CTIF: variants seen among roughly 807,000 people sequenced by gnomAD.
The protein encoded by CTIF is CBP80/20-dependent translation initiation factor.
Under a neutral mutation model 66.0 loss-of-function variants are expected in CTIF, and 21 were observed. That is an observed-to-expected ratio of 0.32 (90% confidence interval 0.23 to 0.46). CTIF has a LOEUF of 0.46. CTIF is among the 20% of genes least tolerant of loss of function. The pLI, the probability that CTIF is intolerant of heterozygous loss-of-function variation, is 1.00. For synonymous variants in CTIF, 345 were observed against 326.4 expected, an observed-to-expected ratio of 1.06 and a Z score of -0.62; for missense variants, 739 against 812.7, an observed-to-expected ratio of 0.91 and a Z score of 1.10.
chr18:48,735,096 CGT>C (rs34150644), intron 7 of CTIF, among the ~76,000 whole-genome samples: 24,902 of 149,418 alleles, frequency 0.17, 3,542 homozygotes, highest in African/African-American at 0.39. Context: ...AGTTTGTGTG[CGT>C]GTGTGTGTGT....
chr18:48,595,336 A>T (rs1472803382), intron 1 of CTIF, among the ~76,000 whole-genome samples: 1 of 152,190 alleles, frequency 6.6e-6, no homozygotes, highest in Non-Finnish European at 1.5e-5. Context: ...TAGGATTAGG[A>T]TTGTTGGTTG....
At chr18:48,759,822 A>G (rs1168071096) in intron 8 of CTIF, among the ~76,000 whole-genome samples, 1 of 152,182 alleles carries the variant, frequency 6.6e-6, no homozygotes, top group African/African-American at 2.4e-5. Flanking sequence ...GAGAAGGTAG[A>G]TCTATAGCAC....
chr18:48,590,107 A>C (rs2089857525), intron 1 of CTIF, among the ~76,000 whole-genome samples: 1 of 152,160 alleles, frequency 6.6e-6, no homozygotes, highest in Admixed American at 6.5e-5. Flanking sequence ...GTGGATCAGC[A>C]TTTCAGGGGT....
At chr18:48,848,523 G>A (rs752033741) in intron 10 of CTIF, among the ~76,000 whole-genome samples, 9 of 152,212 alleles carry the variant, frequency 5.9e-5, no homozygotes, top group Admixed American at 2.6e-4. Flanking sequence ...GGTGGTCAAG[G>A]TGGGCTGGCC....
chr18:48,545,280 A>C (rs1010651404), intron 1 of CTIF, among the ~76,000 whole-genome samples: 2 of 152,184 alleles, frequency 1.3e-5, no homozygotes, highest in African/African-American at 4.8e-5. Context: ...TTTAGCCTGC[A>C]GGTAAGGCAT....
intron 9 of CTIF, among the ~76,000 whole-genome samples, chr18:48,774,725 G>A (rs531648300): frequency 1.3e-5 from 2 of 152,168 alleles, no homozygotes; most frequent in African/African-American, 4.8e-5. Context: ...GAGAGGGCTT[G>A]GGAGCCAGCA....
intron 5 of CTIF, among the ~76,000 whole-genome samples, chr18:48,667,145 G>A (rs939629345): frequency 6.6e-6 from 1 of 151,182 alleles, no homozygotes; most frequent in Non-Finnish European, 1.5e-5. Context: ...CTGCCCAGAA[G>A]GACTGTTTAT....
chr18:48,610,442 C>A (rs374469839), intron 1 of CTIF, among the ~76,000 whole-genome samples: 2 of 88,372 alleles, frequency 2.3e-5, no homozygotes, highest in Non-Finnish European at 5.9e-5. Context: ...GATGCCCTCC[C>A]GCCTATTGGG....
At chr18:48,582,374 G>T (rs1403963777) in intron 1 of CTIF, among the ~76,000 whole-genome samples, 2 of 152,158 alleles carry the variant, frequency 1.3e-5, no homozygotes, top group Non-Finnish European at 2.9e-5. Context: ...TTCATAAAAG[G>T]TCCCTCAGGG....
At chr18:48,663,908 G>GGAAA in intron 4 of CTIF, 83 bp downstream of exon 4, 2 of 1,225,184 alleles carry the variant, frequency 1.6e-6, no homozygotes, top group Non-Finnish European at 2.4e-6. Flanking sequence ...GAACGCTGAT[G>GGAAA]GTTCATGAGC....
intron 1 of CTIF, among the ~76,000 whole-genome samples, chr18:48,600,111 A>C (rs553858052): frequency 6.6e-6 from 1 of 152,310 alleles, no homozygotes; most frequent in Admixed American, 6.5e-5. Flanking sequence ...GGTTGAGAGC[A>C]CTAAAAGCAA....
chr18:48,859,920 G>A lies in CTIF; in HGVS notation c.*361G>A, dbSNP rs1418556676. ...TCGCTGTGACTCCTCGGAGACCTTG[G>A]CAGCCTCGCACGCCGGGGCACCGCT... On this transcript the variant is annotated 3_prime_UTR_variant, in exon 12 of 12. Transcript: ENST00000256413. The A allele has an allele frequency of 6.0e-6, 3 of 498,144 alleles. No homozygotes were observed. Among genetic ancestry groups the A allele is most frequent in the South Asian group, 4.6e-5 (3 of 64,956 alleles). The allele number at this position is 498,144 out of a possible 1,614,324, so 30.9% of individuals were successfully genotyped here. A position where few individuals can be genotyped will look rare whatever the true frequency, so the allele number is the denominator to read the frequency against.
chr18:48,659,906 A>G (rs1039811782), intron 3 of CTIF, among the ~76,000 whole-genome samples: 2 of 152,036 alleles, frequency 1.3e-5, no homozygotes, highest in Non-Finnish European at 2.9e-5. Context: ...TTAAATATGG[A>G]TGTAGGCTCT....
intron 10 of CTIF, chr18:48,825,982 C>G (rs115369015): frequency 5.3e-5 from 8 of 152,270 alleles, no homozygotes; most frequent in Admixed American, 3.3e-4. Context: ...ATCCACTGAC[C>G]AGCCAAAAAC....
intron 9 of CTIF, among the ~76,000 whole-genome samples, chr18:48,762,676 G>A (rs1238351198): frequency 1.3e-5 from 2 of 152,314 alleles, no homozygotes; most frequent in South Asian, 2.1e-4. Flanking sequence ...CTTAACTAGG[G>A]TGACCATACA....
chr18:48,709,345 C>A (rs1244190909), intron 6 of CTIF, among the ~76,000 whole-genome samples: 1 of 152,252 alleles, frequency 6.6e-6, no homozygotes, highest in African/African-American at 2.4e-5. Flanking sequence ...TCATGAGAAG[C>A]CCCGAGTGGC....
chr18:48,704,871 T>G (rs1299861525), intron 6 of CTIF, among the ~76,000 whole-genome samples: 1 of 152,138 alleles, frequency 6.6e-6, no homozygotes, highest in Non-Finnish European at 1.5e-5. Flanking sequence ...CAGAGGACCC[T>G]TGGTTGGGGA....
At chr18:48,567,181 TTAA>T (rs1208604273) in intron 1 of CTIF, 3 of 152,142 alleles carry the variant, frequency 2.0e-5, no homozygotes, top group African/African-American at 7.2e-5. Flanking sequence ...TCTTTAAATA[TTAA>T]CTCCTGGAGT....
chr18:48,582,470 G>C lies in CTIF; in HGVS notation c.-28-37068G>C, dbSNP rs950115921. The stretch of plus-strand genomic sequence containing the variant: ...CTTTCTGGGGGCCTCATGCACATGA[G>C]GGCGTCTTTGTTGCCTGCATAGGAC... On this transcript the variant is annotated intron_variant, in intron 1 of 11. Transcript: ENST00000256413. 8.5e-5 allele frequency among the ~76,000 whole-genome samples: 13 copies of C among 152,272 alleles called. 1 individual carries two copies. Among genetic ancestry groups the C allele is most frequent in the African/African-American group, 2.9e-4 (12 of 41,560 alleles).
Sources: gnomAD v4.1 joint callset for allele counts (sites outside exome capture counted in the v4.1 genomes callset) on GRCh38, gnomAD v4.1.1 for gene constraint, MANE v1.5 for transcripts, NCBI Gene and HGNC (gene_info 2026-07-23, HGNC 2026-07-21) for gene names.